The following RYR2 variants were observed in gnomAD, a reference collection of about 807,000 sequenced individuals.
RYR2 encodes the protein cardiac muscle ryanodine receptor-calcium release channel.
A neutral mutation model predicts 601.1 loss-of-function variants in RYR2; 227 were observed. The ratio of observed to expected loss-of-function variants is 0.38; its 90% CI spans 0.34 to 0.42. RYR2 has a LOEUF of 0.42. RYR2 is among the 10% of genes least tolerant of loss of function. RYR2 has a pLI of 1.00. For missense variants in RYR2, 4,646 were observed against 6,156.5 expected (o/e 0.75, Z 8.21); for synonymous variants, 2,223 against 2,175.1 (o/e 1.02, Z -0.61).
At chr1:237,057,840 C>T (rs751366589) in intron 1 of RYR2, among the ~76,000 whole-genome samples, 3 of 152,168 alleles carry the variant, frequency 2.0e-5, no homozygotes, top group African/African-American at 2.4e-5. Flanking sequence ...GCTGATGCAT[C>T]GCCTCTCTTT....
intron 60 of RYR2, among the ~76,000 whole-genome samples, chr1:237,676,048 G>A (rs967719761): frequency 2.6e-5 from 4 of 152,086 alleles, no homozygotes; most frequent in Middle Eastern, 3.4e-3. Flanking sequence ...AAATTTAACC[G>A]AAGAACAAAA....
intron 13 of RYR2, among the ~76,000 whole-genome samples, chr1:237,442,214 A>G (rs914406435): frequency 2.0e-5 from 3 of 152,238 alleles, no homozygotes; most frequent in African/African-American, 7.2e-5. Flanking sequence ...AAATTGTGGC[A>G]GAAGAGGTTG....
chr1:237,179,350 G>A (rs1344272796), intron 1 of RYR2, among the ~76,000 whole-genome samples: 1 of 152,036 alleles, frequency 6.6e-6, no homozygotes, highest in Non-Finnish European at 1.5e-5. Flanking sequence ...TTTCTTACAG[G>A]CAAACTTGAA....
chr1:237,074,635 C>T (rs773690544), intron 1 of RYR2, among the ~76,000 whole-genome samples: 3 of 152,172 alleles, frequency 2.0e-5, no homozygotes, highest in Admixed American at 6.5e-5. Flanking sequence ...TCAGTCACCA[C>T]GGGTAGAATG....
chr1:237,176,583 T>TA (rs199922485), intron 1 of RYR2, among the ~76,000 whole-genome samples: 2,881 of 151,984 alleles, frequency 0.019, 58 homozygotes, highest in East Asian at 0.097. Context: ...TTTATTTTTT[T>TA]AAAAAACACC....
At chr1:237,212,771 G>GTTA (rs35584787) in intron 1 of RYR2, among the ~76,000 whole-genome samples, 33,886 of 151,252 alleles carry the variant, frequency 0.22, 4,041 homozygotes, top group East Asian at 0.33. Flanking sequence ...ACCATGATTG[G>GTTA]TTATTATTAT....
chr1:237,248,727 T>C (rs1687150618), intron 1 of RYR2, among the ~76,000 whole-genome samples: 1 of 151,378 alleles, frequency 6.6e-6, no homozygotes, highest in Admixed American at 6.6e-5. Flanking sequence ...TTGAAAGACA[T>C]ACACAGATGA....
intron 1 of RYR2, among the ~76,000 whole-genome samples, chr1:237,150,757 A>C (rs1674620016): frequency 6.6e-6 from 1 of 152,154 alleles, no homozygotes; most frequent in African/African-American, 2.4e-5. Context: ...TTTTAGCTGG[A>C]GGATTCTGGA....
At chr1:237,226,022 T>C (rs1684324662) in intron 1 of RYR2, among the ~76,000 whole-genome samples, 1 of 150,374 alleles carries the variant, frequency 6.7e-6, no homozygotes, top group African/African-American at 2.5e-5. Context: ...GCCACTGCAC[T>C]CCAGCCTGGG....
At chr1:237,761,368 T>A (rs1225363080) in intron 84 of RYR2, among the ~76,000 whole-genome samples, 9 of 152,180 alleles carry the variant, frequency 5.9e-5, no homozygotes, top group Admixed American at 5.9e-4. Flanking sequence ...CAAGAACATT[T>A]GACTTTCTTT....
intron 3 of RYR2, among the ~76,000 whole-genome samples, chr1:237,343,222 CAA>C (rs958921651): frequency 1.5e-5 from 2 of 132,140 alleles, no homozygotes; most frequent in South Asian, 2.4e-4. Flanking sequence ...GATGCTGTCT[CAA>C]AAAAAAAAAG....
chr1:237,515,356 T>A (rs867294760), intron 24 of RYR2, among the ~76,000 whole-genome samples: 59 of 152,398 alleles, frequency 3.9e-4, no homozygotes, highest in Middle Eastern at 3.4e-3. Flanking sequence ...TTTATTTCTT[T>A]GGAAGTTAAC....
intron 1 of RYR2, among the ~76,000 whole-genome samples, chr1:237,172,571 C>T (rs576544431): frequency 1.3e-5 from 2 of 151,896 alleles, no homozygotes; most frequent in South Asian, 4.2e-4. Flanking sequence ...GAATAGCACA[C>T]TTTTATTAGG....
intron 23 of RYR2, among the ~76,000 whole-genome samples, chr1:237,507,059 T>A (rs1665341340): frequency 6.6e-6 from 1 of 152,214 alleles, no homozygotes. Flanking sequence ...AAGTTATCAG[T>A]GTCTGGGCTG....
At chr1:237,551,828 T>A (rs2618657) in intron 27 of RYR2, among the ~76,000 whole-genome samples, 1 of 152,086 alleles carries the variant, frequency 6.6e-6, no homozygotes, top group African/African-American at 2.4e-5. Context: ...CAATTATTAT[T>A]TAATCCTCAC....
At chr1:237,338,713 T>G (rs370390714) in intron 3 of RYR2, among the ~76,000 whole-genome samples, 2 of 152,328 alleles carry the variant, frequency 1.3e-5, no homozygotes, top group East Asian at 3.9e-4. Flanking sequence ...ATTCTTCTGG[T>G]ATTATGGTAT....
intron 62 of RYR2, 36 bp from the exon 63 acceptor site, chr1:237,687,419 C>T (rs1307026558): frequency 1.8e-6 from 2 of 1,125,196 alleles, no homozygotes; most frequent in Non-Finnish European, 2.6e-6. Flanking sequence ...TCCCTTCCCC[C>T]TTCCCTTTTC....
Position 237,657,872 on chromosome 1 carries a change from G to T in RYR2, c.8130-72G>T. 11 of 796,978 alleles carry T rather than the reference G, an allele frequency of 1.4e-5. No individual in the cohort carries two copies. The South Asian group carries it at 1.9e-4, about 14-fold the overall frequency. 49.4% of individuals were successfully genotyped at this position (796,978 alleles called of 1,614,324 possible). ...TGAGATATAAGCATTCATAAGCTGT[G>T]AGTAAATTATTAATATGATTTCCTG... On this transcript the variant is annotated intron_variant, in intron 53 of 104. Coordinates refer to ENST00000366574, the MANE Select transcript of RYR2 (RefSeq NM_001035.3).
chr1:237,319,647 C>T (rs1160405728), intron 2 of RYR2, among the ~76,000 whole-genome samples: 3 of 152,082 alleles, frequency 2.0e-5, no homozygotes, highest in African/African-American at 7.2e-5. Context: ...AATGATGGTA[C>T]AGAGATTGTG....
Sources: allele counts gnomAD v4.1 joint callset (sites outside exome capture counted in the v4.1 genomes callset), GRCh38; gene constraint gnomAD v4.1.1; transcripts MANE v1.5; gene names NCBI Gene and HGNC (gene_info 2026-07-23, HGNC 2026-07-21).